The following ZNF398 variants were observed in gnomAD, a reference collection of about 807,000 sequenced individuals.
The protein encoded by ZNF398 is zinc finger DNA binding protein ZER6.
A neutral mutation model predicts 41.9 loss-of-function variants in ZNF398; 18 were observed. The ratio of observed to expected loss-of-function variants is 0.43; its 90% CI spans 0.30 to 0.64. The LOEUF (loss-of-function observed/expected upper bound fraction) is 0.64, where lower values mean the gene tolerates loss of function less well. Among genes scored for constraint, ZNF398 ranks in the 30% least tolerant of loss-of-function variants. The pLI is 0.14. For synonymous variants in ZNF398, 260 were observed against 308.8 expected (o/e 0.84, Z 1.66); for missense variants, 669 against 822.8 (o/e 0.81, Z 2.29).
chr7:149,176,713 A>G, intron 5 of ZNF398, 132 bp downstream of exon 5: 1 of 580,978 alleles, frequency 1.7e-6, no homozygotes, highest in South Asian at 2.4e-5. Flanking sequence ...GCCATGCTCA[A>G]CATTATGAAT....
intron 5 of ZNF398, among the ~76,000 whole-genome samples, chr7:149,177,159 C>T (rs535857032): frequency 1.4e-4 from 21 of 151,618 alleles, no homozygotes; most frequent in Non-Finnish European, 4.4e-5. Context: ...TTCTTTTAGA[C>T]TGGGAAACAC....
At position 149,177,653 on chromosome 7, in the gene ZNF398, A is replaced by G. The variant is rs142995378; in HGVS notation, c.776-995A>G. 5.2e-4 allele frequency among the ~76,000 whole-genome samples: 79 copies of G among 152,320 alleles called. 1 individual carries two copies. In the East Asian group the frequency reaches 0.012, roughly 23 times the overall value. ...CTCTGTTCTCAGGGGAAGTAAAGAG[A>G]CAGCTGACCACAGTGATGGGTTGAT... On this transcript the variant is annotated intron_variant, in intron 5 of 5. Coordinates refer to ENST00000475153, the MANE Select transcript of ZNF398 (RefSeq NM_170686.3).
intron 1 of ZNF398, among the ~76,000 whole-genome samples, chr7:149,128,466 G>C (rs1826529890): frequency 3.3e-5 from 5 of 152,014 alleles, no homozygotes; most frequent in Admixed American, 3.3e-4. Flanking sequence ...AGATTCTCTG[G>C]CCGGGCGCAG....
intron 4 of ZNF398, among the ~76,000 whole-genome samples, chr7:149,169,540 C>G (rs1795288224): frequency 6.6e-6 from 1 of 152,102 alleles, no homozygotes; most frequent in Admixed American, 6.5e-5. Flanking sequence ...CAGCCTGTGC[C>G]TCCTGGGCCC....
intron 4 of ZNF398, among the ~76,000 whole-genome samples, chr7:149,174,734 A>T (rs1458579683): frequency 6.6e-6 from 1 of 152,092 alleles, no homozygotes; most frequent in Non-Finnish European, 1.5e-5. Context: ...ACCGAGGTGG[A>T]ATAATAGCTT....
At chr7:149,155,286 G>C (rs1245302493) in intron 2 of ZNF398, among the ~76,000 whole-genome samples, 1 of 152,004 alleles carries the variant, frequency 6.6e-6, no homozygotes, top group African/African-American at 2.4e-5. Flanking sequence ...TGGGCTTGGT[G>C]GTGGGCGCCT....
intron 2 of ZNF398, among the ~76,000 whole-genome samples, chr7:149,133,387 T>C (rs1563152549): frequency 6.6e-6 from 1 of 151,888 alleles, no homozygotes; most frequent in Admixed American, 6.6e-5. Context: ...GTGCTGGGAT[T>C]ATAGGCATGA....
rs751184649 is a variant in ZNF398 at position 149,178,871 on chromosome 7, C to A, written c.999C>A (p.Pro333=). The change falls in exon 6 of 6, where the codon CCC becomes CCA. Residue 333 remains proline, a synonymous_variant. Coordinates refer to ENST00000475153, the MANE Select transcript of ZNF398 (RefSeq NM_170686.3). The part of the protein sequence containing the change: ...QVTFTQLGSY[P]LPPPVGEQVF... ...CTTTTACTCAGTTGGGTAGCTATCC[C>A]CTCCCACCTCCAGTTGGCGAGCAGG... 1 of 1,614,072 alleles carries A rather than the reference C, an allele frequency of 6.2e-7. No homozygotes were observed. Among genetic ancestry groups the A allele is most frequent in the Non-Finnish European group, 8.5e-7 (1 of 1,179,960 alleles).
At chr7:149,135,354 C>A (rs1386566695) in intron 2 of ZNF398, among the ~76,000 whole-genome samples, 2 of 128,536 alleles carry the variant, frequency 1.6e-5, no homozygotes, top group Admixed American at 1.8e-4. Flanking sequence ...CGCGCCACTG[C>A]ACTCCAGCCT....
At chr7:149,154,577 G>A (rs1004069565) in intron 2 of ZNF398, among the ~76,000 whole-genome samples, 2 of 151,084 alleles carry the variant, frequency 1.3e-5, no homozygotes, top group African/African-American at 4.9e-5. Context: ...GACCAAAGTT[G>A]GCTATCTGGT....
At chr7:149,156,453 C>T (rs1057249775) in intron 2 of ZNF398, among the ~76,000 whole-genome samples, 13 of 128,870 alleles carry the variant, frequency 1.0e-4, no homozygotes, top group South Asian at 4.9e-4. Flanking sequence ...TGCAGTGAGC[C>T]GAGATCACGC....
intron 2 of ZNF398, among the ~76,000 whole-genome samples, chr7:149,135,633 A>T (rs553636549): frequency 1.4e-5 from 2 of 142,370 alleles, no homozygotes; most frequent in South Asian, 5.2e-4. Flanking sequence ...GTCGCTAAAC[A>T]CTACCTGTTC....
chr7:149,147,581 A>T lies in ZNF398; in HGVS notation c.-162A>T. 9.0e-6 allele frequency: 7 copies of T among 774,906 alleles called. No homozygotes were observed. The highest frequency in any genetic ancestry group is 1.0e-5 in the Non-Finnish European group (6 of 585,224). The allele number at this position is 774,906 out of a possible 1,614,324, so 48.0% of individuals were successfully genotyped here. A position where few individuals can be genotyped will look rare whatever the true frequency, so the allele number is the denominator to read the frequency against. On this transcript the variant is annotated 5_prime_UTR_variant, in exon 1 of 6. Transcript: ENST00000475153. This position sits in a 1 kb window ranked among gnomAD's most constrained non-coding sequence, Gnocchi z 5.6. ...CTCCGCCGCGTTCCTGCGCGTCCCG[A>T]GCCCCGACGGCCGCGTGAGTCCCGT...
upstream of ZNF398, among the ~76,000 whole-genome samples, chr7:149,145,558 T>C (rs1439474149): frequency 1.3e-5 from 2 of 152,202 alleles, no homozygotes; most frequent in Non-Finnish European, 2.9e-5. Flanking sequence ...TCGCTTAAGA[T>C]GTTTTTCAGA....
At chr7:149,158,847 A>G (rs1795039024) in intron 2 of ZNF398, among the ~76,000 whole-genome samples, 1 of 151,866 alleles carries the variant, frequency 6.6e-6, no homozygotes, top group Admixed American at 6.6e-5. Context: ...AAAAAAAAAA[A>G]AGAAAATTAG....
Position 149,178,975 on chromosome 7 carries a change from A to T in ZNF398, c.1103A>T (p.His368Leu). ...LTHQCSHATE[H>L]PLPCAQCPKH... The stretch of plus-strand genomic sequence containing the variant: ...CACCAATGTAGCCATGCTACTGAGC[A>T]CCCCTTACCCTGTGCCCAGTGCCCT... Residue 368 changes from histidine (H) to leucine (L), a missense_variant, in exon 6 of 6, where the codon CAC becomes CTC. Physicochemically the swap from His to Leu is moderately conservative, Grantham distance 99. This residue lies in a region of ZNF398 where 290 missense variants were observed against 292.9 expected (regional missense o/e 0.99). Transcript: ENST00000475153. 11 of 1,613,950 alleles carry T rather than the reference A, an allele frequency of 6.8e-6. No individual in the cohort carries two copies. The highest frequency in any genetic ancestry group is 9.3e-6 in the Non-Finnish European group (11 of 1,179,990).
chr7:149,151,791 CTTT>C (rs753689637), intron 1 of ZNF398, among the ~76,000 whole-genome samples: 1 of 139,234 alleles, frequency 7.2e-6, no homozygotes, highest in Non-Finnish European at 1.6e-5. Context: ...CTTTTTTTTT[CTTT>C]TTTTTTTTTT....
chr7:149,142,395 T>C (rs1343678469), intron 2 of ZNF398, among the ~76,000 whole-genome samples: 1 of 151,742 alleles, frequency 6.6e-6, no homozygotes, highest in Admixed American at 6.6e-5. Flanking sequence ...GGGCTGGGAG[T>C]GGTGGCTCAC....
rs185713866 is a variant in ZNF398 at position 149,150,130 on chromosome 7, T to G, written c.24+2364T>G. Among the ~76,000 whole-genome samples the G allele has an allele frequency of 4.4e-4, 67 of 152,296 alleles. No individual in the cohort carries two copies. In the East Asian group the frequency reaches 0.012, roughly 28 times the overall value. ...TTCCTTAGGAAGTAAAGAAGAAAAC[T>G]TAGATTCGGTTACTGATAAGTTTGA... On this transcript the variant is annotated intron_variant, in intron 1 of 5. Transcript: ENST00000475153.
Sources: allele counts gnomAD v4.1 joint callset (sites outside exome capture counted in the v4.1 genomes callset), GRCh38; gene constraint gnomAD v4.1.1; regional missense constraint gnomAD v4.1.1; non-coding constraint Gnocchi (gnomAD v3.1); transcripts MANE v1.5; gene names NCBI Gene and HGNC (gene_info 2026-07-23, HGNC 2026-07-21).